The following RASGRP3 variants were observed in gnomAD, a reference collection of about 807,000 sequenced individuals.
RASGRP3 encodes RAS guanyl releasing protein 3, also known as ras guanyl-releasing protein 3.
In RASGRP3, 54 loss-of-function variants were observed where a neutral mutation model predicts 82.7. The ratio of observed to expected loss-of-function variants is 0.65; its 90% confidence interval spans 0.52 to 0.82. RASGRP3 has a LOEUF of 0.82. RASGRP3 is among the 40% of genes least tolerant of loss of function. The pLI, the probability that RASGRP3 is intolerant of heterozygous loss-of-function variation, is 0.00. For missense variants in RASGRP3, 861 were observed against 828.9 expected, an observed-to-expected ratio of 1.04 and a Z score of -0.48; for synonymous variants, 309 against 300.5, an observed-to-expected ratio of 1.03 and a Z score of -0.29.
At chr2:33,437,233 A>G (rs965434522) in intron 1 of RASGRP3, among the ~76,000 whole-genome samples, 2 of 152,196 alleles carry the variant, frequency 1.3e-5, no homozygotes, top group Admixed American at 6.5e-5. Flanking sequence ...TTCGTTCATT[A>G]TGTTTTGAGT....
At chr2:33,505,169 C>A (rs1670246046) in intron 1 of RASGRP3, among the ~76,000 whole-genome samples, 1 of 151,988 alleles carries the variant, frequency 6.6e-6, no homozygotes, top group Admixed American at 6.6e-5. Context: ...CCACCACCAC[C>A]ACCACCACCA....
chr2:33,462,653 C>CA, intron 2 of RASGRP3, among the ~76,000 whole-genome samples: 1 of 152,330 alleles, frequency 6.6e-6, no homozygotes, highest in Non-Finnish European at 1.5e-5. Flanking sequence ...ACTGGGATTA[C>CA]AGGCGTGAGC....
intron 1 of RASGRP3, among the ~76,000 whole-genome samples, chr2:33,507,173 A>G (rs1249558638): frequency 1.3e-5 from 2 of 152,238 alleles, no homozygotes; most frequent in African/African-American, 4.8e-5. Context: ...AGGTGGGCAG[A>G]TCACTTGAGA....
At chr2:33,557,702 T>TC (rs1348672399) in intron 15 of RASGRP3, among the ~76,000 whole-genome samples, 3 of 142,656 alleles carry the variant, frequency 2.1e-5, no homozygotes, top group Admixed American at 7.1e-5. Flanking sequence ...AGAGCGAGAC[T>TC]CCATCTCGAA....
At chr2:33,458,149 C>T (rs560930469) in intron 2 of RASGRP3, 2 of 152,204 alleles carry the variant, frequency 1.3e-5, no homozygotes, top group South Asian at 2.1e-4. Context: ...GGTCCAAAAT[C>T]GGACTTATGT....
At chr2:33,556,231 C>CTTTTTTTTTTTTTTTTTTT (rs573022728) in intron 15 of RASGRP3, among the ~76,000 whole-genome samples, 8 of 57,498 alleles carry the variant, frequency 1.4e-4, no homozygotes, top group East Asian at 1.0e-3. Flanking sequence ...TTCTAATAAT[C>CTTTTTTTTTTTTTTTTTTT]TTTTTTTTTT....
Position 33,564,520 on chromosome 2 carries a change from A to G in RASGRP3, c.*1783A>G, listed in dbSNP as rs1391606090. The G allele has an allele frequency of 6.6e-6, 1 of 152,216 alleles. No homozygotes were observed. Among genetic ancestry groups the G allele is most frequent in the Non-Finnish European group, 1.5e-5 (1 of 68,046 alleles). 9.4% of individuals were successfully genotyped at this position (152,216 alleles called of 1,614,324 possible). A position where few individuals can be genotyped will look rare whatever the true frequency, so the allele number is the denominator to read the frequency against. ...GCAAACAGCAATCTAAGTACAGAAA[A>G]GCTTTTTGTGTGTTTAAAAAAATTG... is the stretch of plus-strand genomic sequence containing the variant. On this transcript the variant is annotated 3_prime_UTR_variant, in exon 18 of 18. Transcript: ENST00000403687.
At chr2:33,548,699 A>G (rs565812238) in intron 13 of RASGRP3, among the ~76,000 whole-genome samples, 1 of 111,040 alleles carries the variant, frequency 9.0e-6, no homozygotes, top group African/African-American at 2.8e-5. Flanking sequence ...AGTGGATCCA[A>G]TTATTATTAT....
intron 1 of RASGRP3, among the ~76,000 whole-genome samples, chr2:33,447,429 G>A (rs1665561838): frequency 1.4e-5 from 2 of 144,958 alleles, no homozygotes; most frequent in Admixed American, 1.4e-4. Context: ...CCCCAACCTT[G>A]GAGTGTGCAC....
intron 13 of RASGRP3, among the ~76,000 whole-genome samples, chr2:33,544,249 G>A (rs1674533160): frequency 6.6e-6 from 1 of 152,136 alleles, no homozygotes; most frequent in African/African-American, 2.4e-5. Flanking sequence ...GGGAGGCAGA[G>A]GTTGCAGTGA....
intron 7 of RASGRP3, among the ~76,000 whole-genome samples, chr2:33,522,403 G>A (rs1344697413): frequency 6.6e-6 from 1 of 152,150 alleles, no homozygotes; most frequent in Non-Finnish European, 1.5e-5. Flanking sequence ...TAGCTCCATT[G>A]ACTTCTCCCA....
intron 14 of RASGRP3, among the ~76,000 whole-genome samples, 185 bp downstream of exon 14, chr2:33,549,936 G>T (rs933813677): frequency 7.9e-5 from 12 of 152,128 alleles, no homozygotes; most frequent in African/African-American, 1.2e-4. Flanking sequence ...AGGAATGCAG[G>T]GCTAGCAAAA....
Position 33,523,907 on chromosome 2 carries a change from A to G in RASGRP3, c.545A>G (p.His182Arg), listed in dbSNP as rs753370792. ...SFTDYQSYVI[H>R]GCLENNPTLE... Reference sequence around the variant, plus strand: ...ACTGATTACCAAAGCTATGTCATCCATGGCTGCCTGGAGAATAATCCAACC... The same window carrying G: ...ACTGATTACCAAAGCTATGTCATCCGTGGCTGCCTGGAGAATAATCCAACC... The change falls in exon 8 of 18, where the codon CAT becomes CGT. Residue 182 changes from histidine (H) to arginine (R), a missense_variant. Coordinates refer to ENST00000403687, the MANE Select transcript of RASGRP3 (RefSeq NM_001139488.2). The G allele has an allele frequency of 1.9e-6, 3 of 1,613,344 alleles. No homozygotes were observed. Among genetic ancestry groups the G allele is most frequent in the Admixed American group, 1.7e-5 (1 of 59,986 alleles).
At chr2:33,525,721 A>C (rs1458846525) in intron 9 of RASGRP3, among the ~76,000 whole-genome samples, 2 of 148,890 alleles carry the variant, frequency 1.3e-5, no homozygotes, top group African/African-American at 5.0e-5. Context: ...AAAAAAAAAA[A>C]AAAAAACTAG....
chr2:33,491,172 T>TG (rs11417837), intron 1 of RASGRP3, among the ~76,000 whole-genome samples: 151,985 of 152,164 alleles, frequency 1, 75,904 homozygotes, highest in East Asian at 1. Context: ...AAAAATTAGC[T>TG]GGTGTGGTGG....
intron 2 of RASGRP3, among the ~76,000 whole-genome samples, chr2:33,448,669 A>G (rs1665628229): frequency 6.6e-6 from 1 of 152,102 alleles, no homozygotes; most frequent in Non-Finnish European, 1.5e-5. Context: ...GGGGAAAGGG[A>G]GAATAGAGAG....
At chr2:33,483,703 G>T (rs1243013921) in intron 1 of RASGRP3, among the ~76,000 whole-genome samples, 1 of 152,032 alleles carries the variant, frequency 6.6e-6, no homozygotes, top group African/African-American at 2.4e-5. Context: ...TGATCAGGCT[G>T]GTCTTGAATT....
At chr2:33,440,830 C>T (rs565891823) in intron 1 of RASGRP3, among the ~76,000 whole-genome samples, 7 of 152,108 alleles carry the variant, frequency 4.6e-5, no homozygotes, top group East Asian at 1.9e-4. Flanking sequence ...ACAAAAATCC[C>T]GAATACAATA....
intron 3 of RASGRP3, 24 bp downstream of exon 3, chr2:33,515,230 C>T: frequency 6.2e-7 from 1 of 1,611,078 alleles, no homozygotes; most frequent in Non-Finnish European, 8.5e-7. Context: ...CTCCTTTCAT[C>T]TCTTTTGGAT....
Sources: allele counts gnomAD v4.1 joint callset (sites outside exome capture counted in the v4.1 genomes callset), GRCh38; gene constraint gnomAD v4.1.1; transcripts MANE v1.5; gene names NCBI Gene and HGNC (gene_info 2026-07-23, HGNC 2026-07-21).